The following CSMD2 variants were observed in gnomAD, a reference collection of about 807,000 sequenced individuals.
CSMD2 encodes CUB and sushi domain-containing protein 2.
CSMD2 carries 130 observed loss-of-function variants against 398.5 expected under a neutral mutation model. The ratio of observed to expected loss-of-function variants is 0.33; its 90% CI spans 0.28 to 0.38. CSMD2 has a LOEUF of 0.38. Ranked by LOEUF, CSMD2 falls within the 10% of genes least tolerant of loss-of-function variation. The pLI is 1.00. For missense variants in CSMD2, 3,829 were observed against 4,764.9 expected, an observed-to-expected ratio of 0.80 and a Z score of 5.78; for synonymous variants, 1,828 against 1,908.5, an observed-to-expected ratio of 0.96 and a Z score of 1.10.
intron 19 of CSMD2, among the ~76,000 whole-genome samples, chr1:33,722,096 T>A (rs1230078787): frequency 2.0e-5 from 3 of 152,240 alleles, no homozygotes; most frequent in African/African-American, 7.2e-5. Context: ...TATTTAACAT[T>A]TCCTTATTGA....
chr1:34,016,074 AT>A (rs1280130308), intron 3 of CSMD2, among the ~76,000 whole-genome samples: 1 of 151,466 alleles, frequency 6.6e-6, no homozygotes, highest in Non-Finnish European at 1.5e-5. Context: ...GTGCATGAAT[AT>A]TTTATTTATA....
chr1:33,758,008 G>A (rs78391886), intron 13 of CSMD2, among the ~76,000 whole-genome samples: 2 of 152,110 alleles, frequency 1.3e-5, no homozygotes, highest in Non-Finnish European at 2.9e-5. Context: ...TGTTACATCC[G>A]TGCTTGGGAC....
intron 32 of CSMD2, among the ~76,000 whole-genome samples, chr1:33,628,764 A>G (rs1441728534): frequency 2.0e-5 from 3 of 152,146 alleles, no homozygotes; most frequent in Non-Finnish European, 4.4e-5. Context: ...AGGTAGAATT[A>G]GTGAGAAGAG....
At chr1:33,815,945 T>C (rs764482641) in intron 9 of CSMD2, among the ~76,000 whole-genome samples, 4 of 152,108 alleles carry the variant, frequency 2.6e-5, no homozygotes, top group Non-Finnish European at 5.9e-5. Context: ...GGATAACAAT[T>C]ATGTTTAAGG....
Position 33,918,008 on chromosome 1 carries a change from G to C in CSMD2, c.920+86C>G, listed in dbSNP as rs895183962. 7 of 1,254,848 alleles carry C rather than the reference G, an allele frequency of 5.6e-6. No individual in the cohort carries two copies. The Admixed American group carries it at 1.2e-4, about 22-fold the overall frequency. 77.7% of individuals were successfully genotyped at this position (1,254,848 alleles called of 1,614,324 possible). ...GTGGCTAAGAGGCCTCTGGCTGCAGGTCCAGGCACTGAGGAGACTGCAAGC... is the reference window on the plus strand; with the variant it reads ...GTGGCTAAGAGGCCTCTGGCTGCAGCTCCAGGCACTGAGGAGACTGCAAGC... On this transcript the variant is annotated intron_variant, in intron 5 of 70. Transcript: ENST00000373381.
At chr1:33,975,513 A>ACACACACACACACACACAC (rs1553268750) in intron 3 of CSMD2, among the ~76,000 whole-genome samples, 2 of 150,382 alleles carry the variant, frequency 1.3e-5, no homozygotes, top group African/African-American at 4.9e-5. Flanking sequence ...ACACACACAC[A>ACACACACACACACACACAC]AGTGCATAAA....
intron 5 of CSMD2, among the ~76,000 whole-genome samples, chr1:33,894,517 G>C (rs992418098): frequency 6.6e-6 from 1 of 152,066 alleles, no homozygotes; most frequent in Non-Finnish European, 1.5e-5. Flanking sequence ...TCCTTGGGTG[G>C]GATAATTCTA....
rs72894825 is a variant in CSMD2 at position 33,930,888 on chromosome 1, C to G, written c.712+4872G>C. Among the ~76,000 whole-genome samples, 839 of 152,322 alleles carry G rather than the reference C, an allele frequency of 5.5e-3. 14 individuals are homozygous for G. The highest frequency in any genetic ancestry group is 0.018 in the African/African-American group (765 of 41,566). On this transcript the variant is annotated intron_variant, in intron 4 of 70. Coordinates refer to ENST00000373381, the MANE Select transcript of CSMD2 (RefSeq NM_001281956.2). ...GGGTCGGCCTTACACCTGGCTCCCC[C>G]CTATTCCCAGCTGTTCCCTATTCCC...
At chr1:33,940,982 T>C (rs1644651797) in intron 3 of CSMD2, among the ~76,000 whole-genome samples, 1 of 152,162 alleles carries the variant, frequency 6.6e-6, no homozygotes, top group African/African-American at 2.4e-5. Flanking sequence ...GGCACCGTGT[T>C]CTTTGATTTT....
At chr1:33,629,132 C>T (rs1298124279) in intron 32 of CSMD2, among the ~76,000 whole-genome samples, 1 of 150,138 alleles carries the variant, frequency 6.7e-6, no homozygotes, top group Non-Finnish European at 1.5e-5. Flanking sequence ...TAAATACAAC[C>T]AGAAAAGTAT....
intron 10 of CSMD2, 22 bp downstream of exon 10, chr1:33,810,721 C>A (rs1656767087): frequency 1.9e-6 from 3 of 1,611,160 alleles, no homozygotes; most frequent in South Asian, 2.2e-5. Context: ...CAGAACACCA[C>A]CCCGCTCCCC....
At chr1:33,802,317 C>A (rs557334537) in intron 10 of CSMD2, among the ~76,000 whole-genome samples, 1 of 152,290 alleles carries the variant, frequency 6.6e-6, no homozygotes, top group African/African-American at 2.4e-5. Context: ...TTCCCTTACT[C>A]CTAGTTTATT....
chr1:33,732,579 A>G (rs1243154834), intron 15 of CSMD2, among the ~76,000 whole-genome samples: 4 of 152,220 alleles, frequency 2.6e-5, no homozygotes, highest in African/African-American at 4.8e-5. Flanking sequence ...CAGCCCTGCC[A>G]GTACCTTGAT....
chr1:33,906,597 G>A (rs1434695690), intron 5 of CSMD2, among the ~76,000 whole-genome samples: 1 of 152,220 alleles, frequency 6.6e-6, no homozygotes, highest in Non-Finnish European at 1.5e-5. Context: ...CAGATTTCTG[G>A]ATAACTAGGT....
intron 2 of CSMD2, among the ~76,000 whole-genome samples, chr1:34,083,106 G>T (rs1267756842): frequency 6.6e-6 from 1 of 151,658 alleles, no homozygotes; most frequent in East Asian, 1.9e-4. Flanking sequence ...AGAAATCAAG[G>T]AAGCAGAGAT....
At chr1:33,754,377 T>G (rs1648701189) in intron 13 of CSMD2, among the ~76,000 whole-genome samples, 1 of 152,208 alleles carries the variant, frequency 6.6e-6, no homozygotes. Context: ...TGCCATGTGA[T>G]ACACTGGCTC....
At chr1:33,590,595 T>TCACACACACACACACACACACA (rs10611040) in intron 44 of CSMD2, among the ~76,000 whole-genome samples, 23 of 137,638 alleles carry the variant, frequency 1.7e-4, no homozygotes, top group African/African-American at 6.2e-4. Flanking sequence ...CTATTTCCCA[T>TCACACACACACACACACACACA]CACACACACA....
intron 3 of CSMD2, among the ~76,000 whole-genome samples, chr1:34,031,230 T>C (rs371045850): frequency 5.3e-5 from 8 of 152,006 alleles, no homozygotes; most frequent in African/African-American, 1.9e-4. Flanking sequence ...GCCCGGCTAA[T>C]TTTTGTATTT....
chr1:34,036,711 T>C (rs1207580911), intron 2 of CSMD2, among the ~76,000 whole-genome samples: 2 of 152,168 alleles, frequency 1.3e-5, no homozygotes, highest in Non-Finnish European at 2.9e-5. Flanking sequence ...ACATAAGATG[T>C]AACTATTGGA....
Sources: gnomAD v4.1 joint callset for allele counts (sites outside exome capture counted in the v4.1 genomes callset) on GRCh38, gnomAD v4.1.1 for gene constraint, MANE v1.5 for transcripts, NCBI Gene and HGNC (gene_info 2026-07-23, HGNC 2026-07-21) for gene names.